The following TMEM108 variants were observed in gnomAD, a reference collection of about 807,000 sequenced individuals.
TMEM108 encodes the protein transmembrane protein 108, also known as cancer/testis antigen 124.
A neutral mutation model predicts 35.1 loss-of-function variants in TMEM108; 12 were observed. The observed-to-expected ratio is 0.34, with a 90% CI of 0.22 to 0.55. The LOEUF (loss-of-function observed/expected upper bound fraction) is 0.55. Among genes scored for constraint, TMEM108 ranks in the 20% least tolerant of loss-of-function variants. The pLI is 0.89. For synonymous variants in TMEM108, 287 were observed against 308.6 expected (o/e 0.93, Z 0.73); for missense variants, 680 against 753.3 (o/e 0.90, Z 1.14).
chr3:133,374,398 GA>G (rs1271033295), intron 3 of TMEM108, among the ~76,000 whole-genome samples: 1 of 151,886 alleles, frequency 6.6e-6, no homozygotes, highest in East Asian at 1.9e-4. Context: ...GGGGAAGGAA[GA>G]TCTACTTAGA....
At chr3:133,183,877 A>T (rs114433870) in intron 2 of TMEM108, among the ~76,000 whole-genome samples, 1,989 of 152,316 alleles carry the variant, frequency 0.013, 20 homozygotes, top group South Asian at 0.019. Context: ...AGCTGAGGGA[A>T]GCTGAACCAG....
intron 5 of TMEM108, among the ~76,000 whole-genome samples, chr3:133,391,003 C>A (rs546765073): frequency 6.6e-6 from 1 of 152,188 alleles, no homozygotes; most frequent in Non-Finnish European, 1.5e-5. Context: ...ATACTCTTTC[C>A]ATCCTCACAC....
chr3:133,213,139 A>G (rs1291354405), intron 2 of TMEM108, among the ~76,000 whole-genome samples: 2 of 152,196 alleles, frequency 1.3e-5, no homozygotes, highest in Non-Finnish European at 2.9e-5. Context: ...CTGAGATAAC[A>G]TGATGAATAT....
At chr3:133,226,509 T>C (rs1946073146) in intron 2 of TMEM108, among the ~76,000 whole-genome samples, 2 of 152,152 alleles carry the variant, frequency 1.3e-5, no homozygotes, top group African/African-American at 4.8e-5. Context: ...CTACAAACAA[T>C]CTGTTCTGTG....
intron 2 of TMEM108, among the ~76,000 whole-genome samples, chr3:133,163,123 C>T (rs1944984814): frequency 6.6e-6 from 1 of 152,102 alleles, no homozygotes; most frequent in Admixed American, 6.5e-5. Context: ...CTGCCATCTC[C>T]CAGAGAGTGC....
chr3:133,240,100 A>G (rs1946292355), intron 3 of TMEM108, among the ~76,000 whole-genome samples: 1 of 152,212 alleles, frequency 6.6e-6, no homozygotes, highest in Non-Finnish European at 1.5e-5. Flanking sequence ...ACTTGATTTT[A>G]TAAGACTTTT....
intron 3 of TMEM108, among the ~76,000 whole-genome samples, chr3:133,284,740 A>G (rs765602872): frequency 1.3e-5 from 2 of 152,204 alleles, no homozygotes; most frequent in African/African-American, 4.8e-5. Flanking sequence ...TGTTCAAACC[A>G]TCCCGGATTA....
intron 2 of TMEM108, among the ~76,000 whole-genome samples, chr3:133,057,147 G>C (rs9917759): frequency 1.3e-5 from 2 of 151,984 alleles, no homozygotes; most frequent in African/African-American, 2.4e-5. Context: ...TCAGCTACAA[G>C]AGTGTCAGTG....
At chr3:133,193,138 G>C (rs1207105030) in intron 2 of TMEM108, among the ~76,000 whole-genome samples, 2 of 152,160 alleles carry the variant, frequency 1.3e-5, no homozygotes, top group Admixed American at 6.5e-5. Context: ...TAAGGGAGCA[G>C]AAGTGTGTGG....
intron 2 of TMEM108, among the ~76,000 whole-genome samples, chr3:133,088,770 A>C (rs374691402): frequency 6.6e-6 from 1 of 152,166 alleles, no homozygotes; most frequent in Non-Finnish European, 1.5e-5. Flanking sequence ...CAGCCTTGGC[A>C]TTGTTGTTTG....
At chr3:133,285,859 T>G (rs1159510248) in intron 3 of TMEM108, among the ~76,000 whole-genome samples, 2 of 152,224 alleles carry the variant, frequency 1.3e-5, no homozygotes, top group Non-Finnish European at 2.9e-5. Flanking sequence ...TATGTTTATC[T>G]TGTTTTGCAG....
At chr3:133,277,620 C>G (rs1946856085) in intron 3 of TMEM108, among the ~76,000 whole-genome samples, 1 of 152,198 alleles carries the variant, frequency 6.6e-6, no homozygotes, top group African/African-American at 2.4e-5. Context: ...CAGACTCAGT[C>G]AGCCCTGGCA....
intron 3 of TMEM108, among the ~76,000 whole-genome samples, chr3:133,241,266 C>A (rs1946308696): frequency 6.6e-6 from 1 of 152,204 alleles, no homozygotes; most frequent in Non-Finnish European, 1.5e-5. Flanking sequence ...ACCCCAAAAG[C>A]CCCCCAAACC....
intron 2 of TMEM108, among the ~76,000 whole-genome samples, chr3:133,046,335 G>A (rs1943340044): frequency 6.6e-6 from 1 of 152,206 alleles, no homozygotes; most frequent in Non-Finnish European, 1.5e-5. Flanking sequence ...GATGGGAACA[G>A]GGCCTGATTA....
intron 2 of TMEM108, among the ~76,000 whole-genome samples, chr3:133,187,737 G>A (rs967856419): frequency 5.9e-5 from 9 of 151,940 alleles, no homozygotes; most frequent in Admixed American, 2.0e-4. Context: ...GCATCACATC[G>A]AGACTCTGTC....
Position 133,370,871 on chromosome 3 carries a change from A to AGTGTGTGTGTGTGTGTGTGTGT in TMEM108, c.41-8851_41-8830dup, listed in dbSNP as rs71624013. Among the ~76,000 whole-genome samples the AGTGTGTGTGTGTGTGTGTGTGT allele has an allele frequency of 1.2e-3, 146 of 125,550 alleles. 1 individual carries two copies. The highest frequency in any genetic ancestry group is 7.0e-3 in the Admixed American group (84 of 11,996). 82.4% of individuals were successfully genotyped at this position (125,550 alleles called of 152,430 possible). A position where few individuals can be genotyped will look rare whatever the true frequency, so the allele number is the denominator to read the frequency against. On this transcript the variant is annotated intron_variant, in intron 3 of 5. Transcript: ENST00000321871. ...TATTCCGTCTGTTTCCCCAGCCCAT[A>AGTGTGTGTGTGTGTGTGTGTGT]GTGTGTGTGTGTGTGTGTGTGTGTG...
At chr3:133,386,247 A>T (rs971667361) in intron 4 of TMEM108, among the ~76,000 whole-genome samples, 1 of 152,246 alleles carries the variant, frequency 6.6e-6, no homozygotes, top group South Asian at 2.1e-4. Context: ...AGCATCTGCC[A>T]TGGAGAAGGT....
At chr3:133,061,464 C>T (rs1027905068) in intron 2 of TMEM108, among the ~76,000 whole-genome samples, 10 of 152,086 alleles carry the variant, frequency 6.6e-5, no homozygotes, top group Non-Finnish European at 1.2e-4. Flanking sequence ...CCTCCCGCCT[C>T]GGCCTCCCAA....
chr3:133,205,198 G>A (rs780565945), intron 2 of TMEM108, among the ~76,000 whole-genome samples: 30 of 150,402 alleles, frequency 2.0e-4, no homozygotes, highest in Non-Finnish European at 2.8e-4. Context: ...GCCTATGTGC[G>A]TCCTTGCACA....
Sources: allele counts gnomAD v4.1 joint callset (sites outside exome capture counted in the v4.1 genomes callset), GRCh38; gene constraint gnomAD v4.1.1; transcripts MANE v1.5; gene names NCBI Gene and HGNC (gene_info 2026-07-23, HGNC 2026-07-21).